The following PCDHGA5 variants were observed in gnomAD, a reference collection of about 807,000 sequenced individuals.
PCDHGA5 encodes the protein protocadherin gamma-A5.
In PCDHGA5, 36 loss-of-function variants were observed where a neutral mutation model predicts 56.7. The observed-to-expected ratio is 0.64, with a 90% CI of 0.49 to 0.84. The LOEUF (loss-of-function observed/expected upper bound fraction) is 0.84. Ranked by LOEUF, PCDHGA5 falls within the 40% of genes least tolerant of loss-of-function variation. The pLI is 0.00. For missense variants in PCDHGA5, 1,305 were observed against 1,201.5 expected, an observed-to-expected ratio of 1.09 and a Z score of -1.27; for synonymous variants, 563 against 520.2, an observed-to-expected ratio of 1.08 and a Z score of -1.12.
intron 1 of PCDHGA5, chr5:141,399,437 A>G (rs780100815): frequency 3.7e-5 from 59 of 1,613,998 alleles, no homozygotes; most frequent in East Asian, 6.7e-5. Flanking sequence ...GTCATCCTAC[A>G]TATCAGAGAC....
At chr5:141,372,777 GA>G in intron 1 of PCDHGA5, 1 of 1,609,460 alleles carries the variant, frequency 6.2e-7, no homozygotes, top group East Asian at 2.2e-5. Flanking sequence ...TGACAATCCA[GA>G]AATGCCTTCT....
chr5:141,455,833 G>A (rs999291826), intron 1 of PCDHGA5, among the ~76,000 whole-genome samples: 1 of 151,468 alleles, frequency 6.6e-6, no homozygotes, highest in Admixed American at 6.6e-5. Flanking sequence ...CCCTTTTCCT[G>A]TCTATCTGCA....
chr5:141,375,604 C>T lies in PCDHGA5; in HGVS notation c.2421+8853C>T, dbSNP rs1192028188. 7 of 1,614,112 alleles carry T rather than the reference C, an allele frequency of 4.3e-6. No homozygotes were observed. The African/African-American group carries it at 9.3e-5, about 22-fold the overall frequency. On this transcript the variant is annotated intron_variant, in intron 1 of 3. Coordinates refer to ENST00000518069, the MANE Select transcript of PCDHGA5 (RefSeq NM_018918.3). ...CGCCCCTGTCCTCCTACGTGTCCAT[C>T]AACTCCGACACTGGGATTCTGTACG...
chr5:141,364,488 G>A lies in PCDHGA5; in HGVS notation c.158G>A (p.Gly53Glu), dbSNP rs144886424. The A allele has an allele frequency of 2.2e-4, 360 of 1,614,020 alleles. No individual in the cohort carries two copies. Among genetic ancestry groups the A allele is most frequent in the Non-Finnish European group, 2.9e-4 (348 of 1,179,906 alleles). Reference protein sequence around the residue: ...SFVGNIAKDLGLEPQELAERG... With the variant: ...SFVGNIAKDLELEPQELAERG... ...GTCGGCAACATAGCCAAGGACCTTGGGCTGGAGCCCCAGGAGCTGGCGGAG... is the reference window on the plus strand; with the variant it reads ...GTCGGCAACATAGCCAAGGACCTTGAGCTGGAGCCCCAGGAGCTGGCGGAG... The change falls in exon 1 of 4, where the codon GGG (glycine) becomes GAG (glutamate). Residue 53 changes from glycine (G) to glutamate (E), a missense_variant. Transcript: ENST00000518069.
chr5:141,469,834 T>C (rs1228732202), intron 1 of PCDHGA5, among the ~76,000 whole-genome samples: 4 of 152,068 alleles, frequency 2.6e-5, no homozygotes, highest in African/African-American at 9.7e-5. Context: ...ACATAAAACT[T>C]ATTCTTAAGA....
chr5:141,434,920 A>C (rs927245955), intron 1 of PCDHGA5, among the ~76,000 whole-genome samples: 1 of 151,796 alleles, frequency 6.6e-6, no homozygotes. Flanking sequence ...ATTTATGTAC[A>C]TATATTTTAT....
chr5:141,398,787 A>G, intron 1 of PCDHGA5: 2 of 1,613,902 alleles, frequency 1.2e-6, no homozygotes, highest in Non-Finnish European at 1.7e-6. Flanking sequence ...GTGGACATCC[A>G]CCCCTAAGCG....
intron 1 of PCDHGA5, chr5:141,427,972 C>A: frequency 6.3e-7 from 1 of 1,593,948 alleles, no homozygotes; most frequent in Non-Finnish European, 8.6e-7. Context: ...GTGCTGTACC[C>A]CGCGCTGGGG....
At chr5:141,402,820 C>G (rs1351401631) in intron 1 of PCDHGA5, 2 of 1,288,046 alleles carry the variant, frequency 1.6e-6, no homozygotes, top group Admixed American at 5.9e-5. Flanking sequence ...CACAAACCTG[C>G]TCCCAGGCTG....
chr5:141,477,191 A>C lies in PCDHGA5; in HGVS notation c.2422-17616A>C. 1 of 1,614,210 alleles carries C rather than the reference A, an allele frequency of 6.2e-7. No individual in the cohort carries two copies. The highest frequency in any genetic ancestry group is 1.1e-5 in the South Asian group (1 of 91,086). ...GGAGATCACAGTCACCTCCGTGTAC[A>C]GCCCAGTACCCGAGGATGCCCCTCT... On this transcript the variant is annotated intron_variant, in intron 1 of 3. Coordinates refer to ENST00000518069, the MANE Select transcript of PCDHGA5 (RefSeq NM_018918.3). This position sits in a 1 kb window ranked among gnomAD's most constrained non-coding sequence, Gnocchi z 4.9.
rs561648427 is a variant in PCDHGA5, at chr5:141,379,679, T to G, written c.2421+12928T>G. The stretch of plus-strand genomic sequence containing the variant: ...TACTCTCACAAAAGTCATTCACTCA[T>G]GTGGACTGACCAACTGTTAAACATC... On this transcript the variant is annotated intron_variant, in intron 1 of 3. Coordinates refer to ENST00000518069, the MANE Select transcript of PCDHGA5 (RefSeq NM_018918.3). 2.0e-5 allele frequency: 3 copies of G among 152,260 alleles called. No individual in the cohort carries two copies. The South Asian group carries it at 6.2e-4, about 32-fold the overall frequency. The allele number at this position is 152,260 out of a possible 1,614,324, so 9.4% of individuals were successfully genotyped here. A position where few individuals can be genotyped will look rare whatever the true frequency, so the allele number is the denominator to read the frequency against.
At chr5:141,375,575 G>A (rs1209081341) in intron 1 of PCDHGA5, 1 of 1,613,960 alleles carries the variant, frequency 6.2e-7, no homozygotes, top group East Asian at 2.2e-5. Context: ...CACCCTCCAG[G>A]GGGCGCCCCT....
Position 141,499,029 on chromosome 5 carries a change from A to AAGGAAGG in PCDHGA5, c.2480+4165_2480+4166insGGAAGGA, listed in dbSNP as rs1562187768. Among the ~76,000 whole-genome samples, 348 of 140,068 alleles carry AAGGAAGG rather than the reference A, an allele frequency of 2.5e-3. 2 individuals carry two copies. The highest frequency in any genetic ancestry group is 9.3e-3 in the African/African-American group (335 of 36,066). The allele number at this position is 140,068 out of a possible 152,430, so 91.9% of individuals were successfully genotyped here. ...GGAAGGAAGGAAGGAAGGAAGGAAG[A>AAGGAAGG]AAAGAAAGAAAAAGGGAGAAAAAAT... is the stretch of plus-strand genomic sequence containing the variant. On this transcript the variant is annotated intron_variant, in intron 2 of 3. Transcript: ENST00000518069.
At chr5:141,400,032 C>T (rs770927016) in intron 1 of PCDHGA5, 1 of 1,613,282 alleles carries the variant, frequency 6.2e-7, no homozygotes, top group Admixed American at 1.7e-5. Flanking sequence ...ACGCGGCCCG[C>T]CAGCGCCTGC....
chr5:141,372,572 C>A (rs1199574805), intron 1 of PCDHGA5: 2 of 1,613,940 alleles, frequency 1.2e-6, no homozygotes, highest in Admixed American at 1.7e-5. Context: ...CTGAGGGCTA[C>A]TTTCAGCCTG....
rs2099611311 is a variant in PCDHGA5 at position 141,485,311 on chromosome 5, G to A, written c.2422-9496G>A. 3.1e-6 allele frequency: 5 copies of A among 1,614,174 alleles called. No individual in the cohort carries two copies. The East Asian group carries it at 6.7e-5, about 22-fold the overall frequency. ...AGTCACAGGAAGGGACTTTTGTAGGGAATGTCGCTCAAGATTTCCTGCTGG... is the reference window on the plus strand; with the variant it reads ...AGTCACAGGAAGGGACTTTTGTAGGAAATGTCGCTCAAGATTTCCTGCTGG... On this transcript the variant is annotated intron_variant, in intron 1 of 3. Transcript: ENST00000518069. The surrounding 1 kb of genome is among the most constrained non-coding windows in gnomAD (Gnocchi z 5.7).
intron 1 of PCDHGA5, among the ~76,000 whole-genome samples, chr5:141,463,438 C>CTTTTTTTTTTTTT (rs71576115): frequency 9.7e-6 from 1 of 103,256 alleles, no homozygotes; most frequent in Non-Finnish European, 1.9e-5. Context: ...TTTCCTTCTC[C>CTTTTTTTTTTTTT]TTTTTTTTTT....
At chr5:141,380,091 G>A (rs538586012) in intron 1 of PCDHGA5, among the ~76,000 whole-genome samples, 1 of 151,688 alleles carries the variant, frequency 6.6e-6, no homozygotes, top group African/African-American at 2.4e-5. Context: ...GTAGAGATGG[G>A]GTTTTACCAT....
chr5:141,511,293 G>A lies in PCDHGA5; in HGVS notation c.*120G>A, dbSNP rs1028501355. On this transcript the variant is annotated 3_prime_UTR_variant, in exon 4 of 4. Coordinates refer to ENST00000518069, the MANE Select transcript of PCDHGA5 (RefSeq NM_018918.3). ...CCCCAGAATACTGGTAGGGGCCAAG[G>A]CCATGCTCCCCTTGGGAAACAGAAA... The A allele has an allele frequency of 3.3e-6, 5 of 1,509,316 alleles. No individual in the cohort carries two copies. In the African/African-American group the frequency reaches 5.6e-5, roughly 17 times the overall value. The allele number at this position is 1,509,316 out of a possible 1,614,324, so 93.5% of individuals were successfully genotyped here.
Sources: gnomAD v4.1 joint callset for allele counts (sites outside exome capture counted in the v4.1 genomes callset) on GRCh38, gnomAD v4.1.1 for gene constraint, Gnocchi (gnomAD v3.1) non-coding constraint, MANE v1.5 for transcripts, NCBI Gene and HGNC (gene_info 2026-07-23, HGNC 2026-07-21) for gene names.